ATP9A: variants seen among roughly 807,000 people sequenced by gnomAD.
ATP9A encodes ATPase phospholipid transporting 9A.
A neutral mutation model predicts 144.1 loss-of-function variants in ATP9A; 52 were observed. The ratio of observed to expected loss-of-function variants is 0.36; its 90% CI spans 0.29 to 0.45. The LOEUF is 0.45. Ranked by LOEUF, ATP9A falls within the 20% of genes least tolerant of loss-of-function variation. ATP9A has a pLI of 1.00. For missense variants in ATP9A, 947 were observed against 1,392.7 expected (o/e 0.68, Z 5.09); for synonymous variants, 582 against 557.4 (o/e 1.04, Z -0.62).
rs2077475650 is a variant in ATP9A, at chr20:51,676,001, CAT to C, written c.876+129_876+130del. 15 of 631,236 alleles carry C rather than the reference CAT, an allele frequency of 2.4e-5. No homozygotes were observed. In the South Asian group the frequency reaches 2.8e-4, roughly 12 times the overall value. The allele number at this position is 631,236 out of a possible 1,614,324, so 39.1% of individuals were successfully genotyped here. On this transcript the variant is annotated intron_variant, in intron 10 of 27. Coordinates refer to ENST00000338821, the MANE Select transcript of ATP9A (RefSeq NM_006045.3). ...TGTATTTATTGCATACACACACACA[CAT>C]ATGCATAAAAAGATAAAATGTCTGT...
At chr20:51,636,187 T>C (rs2077291510) in intron 15 of ATP9A, among the ~76,000 whole-genome samples, 1 of 152,140 alleles carries the variant, frequency 6.6e-6, no homozygotes, top group Non-Finnish European at 1.5e-5. Context: ...CAACAGCCAA[T>C]CTGAGGGTTC....
At chr20:51,706,172 A>C (rs1411598334) in intron 4 of ATP9A, among the ~76,000 whole-genome samples, 2 of 152,236 alleles carry the variant, frequency 1.3e-5, no homozygotes, top group Non-Finnish European at 2.9e-5. Flanking sequence ...CCTGTAGCAT[A>C]TGTATTAAGG....
intron 3 of ATP9A, among the ~76,000 whole-genome samples, chr20:51,714,983 A>G (rs926000392): frequency 4.6e-5 from 7 of 152,318 alleles, no homozygotes; most frequent in South Asian, 4.1e-4. Context: ...AGCCAAAATC[A>G]TTCATTTATT....
chr20:51,680,323 A>G (rs940427003), intron 9 of ATP9A, among the ~76,000 whole-genome samples: 1 of 151,900 alleles, frequency 6.6e-6, no homozygotes, highest in African/African-American at 2.4e-5. Context: ...TCTTCTACAC[A>G]TTAGGGGAAA....
intron 1 of ATP9A, among the ~76,000 whole-genome samples, chr20:51,750,585 T>C (rs903100581): frequency 1.3e-5 from 2 of 152,174 alleles, no homozygotes; most frequent in African/African-American, 2.4e-5. Context: ...CCAAGCGCTG[T>C]GGCAAAGCCC....
At chr20:51,723,860 G>A (rs2077700753) in intron 3 of ATP9A, among the ~76,000 whole-genome samples, 1 of 152,014 alleles carries the variant, frequency 6.6e-6, no homozygotes, top group African/African-American at 2.4e-5. Flanking sequence ...CGGCCTAAAA[G>A]CAAATTCTTT....
At position 51,599,466 on chromosome 20, in the gene ATP9A, T is replaced by A. The variant is rs1205441834; in HGVS notation, c.*1745A>T. Reference sequence around the variant, plus strand: ...ATCCTATCCTTAACTATTCACTCAATACATCTTTTCTGCCGACCTTTTCCC... The same window carrying A: ...ATCCTATCCTTAACTATTCACTCAAAACATCTTTTCTGCCGACCTTTTCCC... On this transcript the variant is annotated 3_prime_UTR_variant, in exon 28 of 28. Coordinates refer to ENST00000338821, the MANE Select transcript of ATP9A (RefSeq NM_006045.3). The A allele has an allele frequency of 6.6e-6, 1 of 152,222 alleles. No individual in the cohort carries two copies. Among genetic ancestry groups the A allele is most frequent in the Non-Finnish European group, 1.5e-5 (1 of 68,036 alleles). The allele number at this position is 152,222 out of a possible 1,614,324, so 9.4% of individuals were successfully genotyped here.
At chr20:51,715,996 G>C (rs1301937503) in intron 3 of ATP9A, among the ~76,000 whole-genome samples, 1 of 138,042 alleles carries the variant, frequency 7.2e-6, no homozygotes, top group African/African-American at 2.7e-5. Flanking sequence ...ATGGGAGATA[G>C]AAATCAGAAA....
Position 51,726,900 on chromosome 20 carries a change from T to C in ATP9A, c.214-968A>G, listed in dbSNP as rs7352810. On this transcript the variant is annotated intron_variant, in intron 2 of 27. Coordinates refer to ENST00000338821, the MANE Select transcript of ATP9A (RefSeq NM_006045.3). ...AGACTGTGTTATTTCTTTTTTTTTT[T>C]TTTTTTTTTTTTTTTTGAGACGGAG... 5.1e-4 allele frequency among the ~76,000 whole-genome samples: 42 copies of C among 82,930 alleles called. 1 individual carries two copies. Among genetic ancestry groups the C allele is most frequent in the African/African-American group, 1.7e-3 (41 of 23,564 alleles). 54.4% of individuals were successfully genotyped at this position (82,930 alleles called of 152,430 possible). A position where few individuals can be genotyped will look rare whatever the true frequency, so the allele number is the denominator to read the frequency against.
chr20:51,694,130 C>A, intron 6 of ATP9A, 28 bp from the exon 7 acceptor site: 1 of 1,592,072 alleles, frequency 6.3e-7, no homozygotes, highest in Non-Finnish European at 8.6e-7. Context: ...GTGCCGTCAC[C>A]TGCACCTCAA....
chr20:51,618,268 G>GGAA (rs934088913), intron 21 of ATP9A, among the ~76,000 whole-genome samples: 1 of 151,244 alleles, frequency 6.6e-6, no homozygotes, highest in Non-Finnish European at 1.5e-5. Context: ...CACCATTTAA[G>GGAA]GAAGCCACAA....
At chr20:51,649,803 AC>A (rs1180921624) in intron 14 of ATP9A, among the ~76,000 whole-genome samples, 1 of 151,594 alleles carries the variant, frequency 6.6e-6, no homozygotes, top group Non-Finnish European at 1.5e-5. Flanking sequence ...AGTCCCAGCT[AC>A]TTGGGAGGTG....
At chr20:51,610,204 G>A (rs1281891349) in intron 23 of ATP9A, 39 bp from the exon 24 acceptor site, 1 of 1,498,960 alleles carries the variant, frequency 6.7e-7, no homozygotes, top group Non-Finnish European at 9.3e-7. Context: ...CAAAAGTCAT[G>A]ACAAAATCCC....
At chr20:51,618,151 C>T (rs981981848) in intron 21 of ATP9A, among the ~76,000 whole-genome samples, 2 of 150,560 alleles carry the variant, frequency 1.3e-5, no homozygotes, top group East Asian at 1.9e-4. Flanking sequence ...ACCCGGGAGA[C>T]GGAGGTTGCA....
intron 8 of ATP9A, among the ~76,000 whole-genome samples, chr20:51,690,292 C>T (rs2077542505): frequency 2.6e-5 from 4 of 151,546 alleles, no homozygotes; most frequent in South Asian, 2.1e-4. Flanking sequence ...CAGTGGCGGG[C>T]GCCTGTAATC....
At chr20:51,641,652 TAAAAAAATAAAAATA>T (rs369949907) in intron 14 of ATP9A, among the ~76,000 whole-genome samples, 2,532 of 150,008 alleles carry the variant, frequency 0.017, 37 homozygotes, top group Non-Finnish European at 0.027. Context: ...CCATCTCTAC[TAAAAAAATAAAAATA>T]AAAAAAATAA....
rs2077133481 is a variant in ATP9A, at chr20:51,599,546, A to AT, written c.*1664dup. On this transcript the variant is annotated 3_prime_UTR_variant, in exon 28 of 28. Coordinates refer to ENST00000338821, the MANE Select transcript of ATP9A (RefSeq NM_006045.3). ...AAAAGTACTGCAAAACTGCAGAATC[A>AT]TAAGACAAAATAGATGTGGTGTCAA... The AT allele has an allele frequency of 6.6e-6, 1 of 152,262 alleles. No homozygotes were observed. The highest frequency in any genetic ancestry group is 1.5e-5 in the Non-Finnish European group (1 of 68,046). The allele number at this position is 152,262 out of a possible 1,614,324, so 9.4% of individuals were successfully genotyped here.
At chr20:51,604,732 C>G (rs1181118291) in intron 27 of ATP9A, 85 bp downstream of exon 27, 2 of 1,263,682 alleles carry the variant, frequency 1.6e-6, no homozygotes, top group Non-Finnish European at 2.1e-6. Flanking sequence ...GCGCTGGGAA[C>G]CCCCCTTCCT....
chr20:51,706,365 A>C (rs2077614685), intron 4 of ATP9A, among the ~76,000 whole-genome samples: 1 of 152,178 alleles, frequency 6.6e-6, no homozygotes, highest in Non-Finnish European at 1.5e-5. Context: ...CTATTTTGTT[A>C]TAGGGGCCTC....
Sources: gnomAD v4.1 joint callset for allele counts (sites outside exome capture counted in the v4.1 genomes callset) on GRCh38, gnomAD v4.1.1 for gene constraint, MANE v1.5 for transcripts, NCBI Gene and HGNC (gene_info 2026-07-23, HGNC 2026-07-21) for gene names.